DDX1: variants seen among roughly 807,000 people sequenced by gnomAD.
DDX1 encodes DEAD-box helicase 1, also known as ATP-dependent RNA helicase DDX1.
A neutral mutation model predicts 108.7 loss-of-function variants in DDX1; 28 were observed. The ratio of observed to expected loss-of-function variants is 0.26; its 90% CI spans 0.19 to 0.35. The LOEUF (loss-of-function observed/expected upper bound fraction) is 0.35. Among genes scored for constraint, DDX1 ranks in the 10% least tolerant of loss-of-function variants. The probability of loss-of-function intolerance (pLI) is 1.00; values close to 1 mark genes in which losing one functional copy is unlikely to be tolerated. For synonymous variants in DDX1, 295 were observed against 288.9 expected (o/e 1.02, Z -0.21); for missense variants, 710 against 884.5 (o/e 0.80, Z 2.50).
intron 1 of DDX1, 117 bp downstream of exon 1, chr2:15,592,066 C>A: frequency 2.0e-6 from 2 of 986,742 alleles, no homozygotes; most frequent in Non-Finnish European, 2.8e-6. Flanking sequence ...GACAGAAGGG[C>A]GCTGTCCGCT....
chr2:15,596,813 T>C (rs367686176), intron 4 of DDX1, 50 bp downstream of exon 4: 8 of 1,447,224 alleles, frequency 5.5e-6, no homozygotes, highest in African/African-American at 4.2e-5. Flanking sequence ...AATTTTAAAA[T>C]AACTTTGAAC....
intron 18 of DDX1, among the ~76,000 whole-genome samples, chr2:15,621,586 A>G (rs577058230): frequency 6.6e-6 from 1 of 150,568 alleles, no homozygotes; most frequent in Non-Finnish European, 1.5e-5. Context: ...GATTACAGGC[A>G]TGAGCCACCA....
Position 15,630,100 on chromosome 2 carries a change from G to C in DDX1, c.2082G>C (p.Arg694Ser). Residue 694 changes from arginine to serine, a missense_variant, in exon 25 of 26, where the codon AGG becomes AGC. By Grantham distance (110) the Arg-to-Ser change is moderately radical. Coordinates refer to ENST00000233084, the MANE Select transcript of DDX1 (RefSeq NM_004939.3). Reference protein sequence around the residue: ...FDGKVTYGQKRAAGGGSYKGH... With the variant: ...FDGKVTYGQKSAAGGGSYKGH... ...GGAAAGTTACCTACGGTCAGAAAAG[G>C]GCTGCTGGTGGTAAGCTTTGAATTA... 1 of 1,612,904 alleles carries C rather than the reference G, an allele frequency of 6.2e-7. No homozygotes were observed. The highest frequency in any genetic ancestry group is 8.5e-7 in the Non-Finnish European group (1 of 1,179,570).
chr2:15,615,720 T>G (rs1665883023), intron 14 of DDX1, among the ~76,000 whole-genome samples: 1 of 152,130 alleles, frequency 6.6e-6, no homozygotes, highest in Non-Finnish European at 1.5e-5. Context: ...AAAACTATAT[T>G]TTTAGTACAG....
At chr2:15,604,355 A>G (rs1665631669) in intron 9 of DDX1, 82 bp from the exon 10 acceptor site, 1 of 886,584 alleles carries the variant, frequency 1.1e-6, no homozygotes, top group Non-Finnish European at 1.8e-6. Context: ...ATTTTGAAAC[A>G]CATACTTTTG....
At chr2:15,597,318 A>T (rs1176470144) in intron 4 of DDX1, 57 bp from the exon 5 acceptor site, 1 of 1,072,364 alleles carries the variant, frequency 9.3e-7, no homozygotes, top group African/African-American at 1.6e-5. Flanking sequence ...TATATTGGTT[A>T]TTAAATTGTC....
intron 1 of DDX1, 111 bp from the exon 2 acceptor site, chr2:15,595,034 A>G (rs961030855): frequency 1.3e-6 from 1 of 768,688 alleles, no homozygotes; most frequent in Non-Finnish European, 2.1e-6. Flanking sequence ...GATTTGATGT[A>G]ACTGAGCTAT....
Position 15,604,640 on chromosome 2 carries a change from T to G in DDX1, c.625+131T>G, listed in dbSNP as rs1449726327. The G allele has an allele frequency of 1.4e-5, 9 of 647,798 alleles. 2 individuals are homozygous for G. The South Asian group carries it at 1.7e-4, about 12-fold the overall frequency. 40.1% of individuals were successfully genotyped at this position (647,798 alleles called of 1,614,324 possible). ...CTGCCTTTACTTGAACTAATATTTATTGAGCATTGACTATGTGTAAGGTAC... is the reference window on the plus strand; with the variant it reads ...CTGCCTTTACTTGAACTAATATTTAGTGAGCATTGACTATGTGTAAGGTAC... On this transcript the variant is annotated intron_variant, in intron 10 of 25. Transcript: ENST00000233084.
At chr2:15,606,990 A>G (rs780697930) in intron 12 of DDX1, among the ~76,000 whole-genome samples, 185 bp from the exon 13 acceptor site, 1 of 152,130 alleles carries the variant, frequency 6.6e-6, no homozygotes, top group South Asian at 2.1e-4. Context: ...CACCAGCCCA[A>G]ATAGTTTTAA....
Position 15,629,995 on chromosome 2 carries a change from A to C in DDX1, c.1977A>C (p.Leu659=). The change falls in exon 25 of 26, where the codon CTA becomes CTC. Residue 659 remains leucine, a synonymous_variant. Transcript: ENST00000233084. ...ATTTTCTCTCCATTACTTAGTTACT[A>C]TCTGAGATAGAAGAACACCTGAACT... is the stretch of plus-strand genomic sequence containing the variant. ...CTIWYNEMQL[L]SEIEEHLNCT... 1 of 1,600,038 alleles carries C rather than the reference A, an allele frequency of 6.2e-7. No homozygotes were observed. The highest frequency in any genetic ancestry group is 8.5e-7 in the Non-Finnish European group (1 of 1,175,664).
At chr2:15,626,234 A>G (rs1666098928) in intron 19 of DDX1, among the ~76,000 whole-genome samples, 1 of 152,136 alleles carries the variant, frequency 6.6e-6, no homozygotes, top group African/African-American at 2.4e-5. Context: ...TGTATTTGAT[A>G]CTTCCCTAAA....
intron 13 of DDX1, among the ~76,000 whole-genome samples, chr2:15,612,389 C>T (rs1665788981): frequency 1.3e-5 from 2 of 151,784 alleles, no homozygotes; most frequent in Admixed American, 6.6e-5. Context: ...CAGAGACGCT[C>T]CTCACTTCCT....
chr2:15,597,401 A>G lies in DDX1; in HGVS notation c.189A>G (p.Ile63Met), dbSNP rs763523667. 18 of 1,607,038 alleles carry G rather than the reference A, an allele frequency of 1.1e-5. No homozygotes were observed. Among genetic ancestry groups the G allele is most frequent in the Middle Eastern group, 3.3e-4 (2 of 6,042 alleles). ...CTTTTAGTATTCCAGTTATCCAGAT[A>G]GTTTATGAAACTCTGAAAGACCAAC... ...TGAFSIPVIQIVYETLKDQQE... is the reference protein window; with the variant it reads ...TGAFSIPVIQMVYETLKDQQE... Residue 63 changes from isoleucine (I) to methionine (M), a missense_variant, in exon 5 of 26, where the codon ATA becomes ATG. Around this residue, in one of 3 missense-constraint regions of DDX1, gnomAD observed 661 missense variants for 810.2 expected, o/e 0.82. Transcript: ENST00000233084.
rs1665417239 is a variant in DDX1, at chr2:15,591,887, CGGGA to C, written c.-37_-34del. The C allele has an allele frequency of 2.0e-6, 3 of 1,466,170 alleles. No homozygotes were observed. The highest frequency in any genetic ancestry group is 3.0e-5 in the East Asian group (1 of 33,436). The allele number at this position is 1,466,170 out of a possible 1,614,324, so 90.8% of individuals were successfully genotyped here. On this transcript the variant is annotated 5_prime_UTR_variant, in exon 1 of 26. Coordinates refer to ENST00000233084, the MANE Select transcript of DDX1 (RefSeq NM_004939.3). Reference sequence around the variant, plus strand: ...GCCGCCACTGCCACGCCGTGTCAGTCGGGAGGGAGGGAGCGAGCAGGCGAAGCCG... The same window carrying C: ...GCCGCCACTGCCACGCCGTGTCAGTCGGGAGGGAGCGAGCAGGCGAAGCCG...
chr2:15,592,524 A>G (rs1175256544), intron 1 of DDX1, among the ~76,000 whole-genome samples: 5 of 152,162 alleles, frequency 3.3e-5, no homozygotes, highest in African/African-American at 1.2e-4. Context: ...AAGGGAAAGC[A>G]TTTTCATTAA....
intron 7 of DDX1, 124 bp from the exon 8 acceptor site, chr2:15,603,068 A>G (rs1456484598): frequency 4.5e-6 from 3 of 671,122 alleles, no homozygotes; most frequent in East Asian, 2.8e-5. Context: ...TGATGGTACA[A>G]ATATACCTAT....
At chr2:15,593,016 G>A (rs926049839) in intron 1 of DDX1, among the ~76,000 whole-genome samples, 3 of 151,890 alleles carry the variant, frequency 2.0e-5, no homozygotes, top group African/African-American at 4.8e-5. Context: ...CACCTCCCAG[G>A]TTCAAGCAAT....
chr2:15,629,473 T>C lies in DDX1; in HGVS notation c.1876-129T>C. 7.9e-6 allele frequency: 5 copies of C among 634,792 alleles called. No homozygotes were observed. The South Asian group carries it at 8.7e-5, about 11-fold the overall frequency. 39.3% of individuals were successfully genotyped at this position (634,792 alleles called of 1,614,324 possible). On this transcript the variant is annotated intron_variant, in intron 23 of 25. Transcript: ENST00000233084. ...CTGAATAGTAGTGGTAATTGGATGA[T>C]ATATCATACCTATAATCTATTTTTC...
chr2:15,602,671 C>G, intron 7 of DDX1, 40 bp downstream of exon 7: 4 of 1,426,846 alleles, frequency 2.8e-6, no homozygotes, highest in Non-Finnish European at 4.0e-6. Flanking sequence ...ACTTTTGAGG[C>G]AAGGTATTAA....
Sources: allele counts gnomAD v4.1 joint callset (sites outside exome capture counted in the v4.1 genomes callset), GRCh38; gene constraint gnomAD v4.1.1; regional missense constraint gnomAD v4.1.1; transcripts MANE v1.5; gene names NCBI Gene and HGNC (gene_info 2026-07-23, HGNC 2026-07-21).